The following FAM110B variants were observed in gnomAD, a reference collection of about 807,000 sequenced individuals.
FAM110B encodes family with sequence similarity 110 member B, also known as protein FAM110B.
In FAM110B, 6 loss-of-function variants were observed where a neutral mutation model predicts 20.4. That is an observed-to-expected ratio of 0.29 (90% CI 0.16 to 0.58). FAM110B has a LOEUF of 0.58. Among genes scored for constraint, FAM110B ranks in the 20% least tolerant of loss-of-function variants. The probability of loss-of-function intolerance (pLI) is 0.90; values close to 1 mark genes in which losing one functional copy is unlikely to be tolerated. For missense variants in FAM110B, 434 were observed against 498.2 expected, an observed-to-expected ratio of 0.87 and a Z score of 1.23; for synonymous variants, 226 against 214.1, an observed-to-expected ratio of 1.06 and a Z score of -0.49.
chr8:58,027,882 T>A (rs1180121292), intron 1 of FAM110B, among the ~76,000 whole-genome samples: 1 of 152,216 alleles, frequency 6.6e-6, no homozygotes, highest in Non-Finnish European at 1.5e-5. Flanking sequence ...TTGGAGTTAT[T>A]ATGAATAAGG....
At position 58,146,134 on chromosome 8, in the gene FAM110B, C is replaced by T. The variant is rs1308414372; in HGVS notation, c.-97C>T. ...CTGACACTCGCTCCCAGGCTGCACC[C>T]GCCGCCCTTGGCGCTTCATGTACAT... On this transcript the variant is annotated 5_prime_UTR_variant, in exon 4 of 4. Coordinates refer to ENST00000519262, the MANE Select transcript of FAM110B (RefSeq NM_001377989.1). 4.8e-5 allele frequency: 68 copies of T among 1,429,740 alleles called. No homozygotes were observed. Among genetic ancestry groups the T allele is most frequent in the Non-Finnish European group, 6.1e-5 (65 of 1,071,220 alleles). 88.6% of individuals were successfully genotyped at this position (1,429,740 alleles called of 1,614,324 possible).
At chr8:58,079,125 A>G (rs983273898) in intron 3 of FAM110B, among the ~76,000 whole-genome samples, 1 of 152,154 alleles carries the variant, frequency 6.6e-6, no homozygotes, top group Non-Finnish European at 1.5e-5. Context: ...AGAATGACTC[A>G]GAGATCAGAT....
chr8:58,060,942 C>T (rs1287217736), intron 2 of FAM110B, among the ~76,000 whole-genome samples: 1 of 152,060 alleles, frequency 6.6e-6, no homozygotes, highest in East Asian at 1.9e-4. Context: ...GCTTTCTTTA[C>T]CCAGAGAAGC....
chr8:58,085,059 A>G (rs1256043508), intron 3 of FAM110B, among the ~76,000 whole-genome samples: 1 of 152,156 alleles, frequency 6.6e-6, no homozygotes, highest in East Asian at 1.9e-4. Context: ...GAACCTGGCA[A>G]TTGGCATCAA....
intron 3 of FAM110B, among the ~76,000 whole-genome samples, chr8:58,082,355 C>T (rs72660390): frequency 0.058 from 8,808 of 152,276 alleles, 384 homozygotes; most frequent in African/African-American, 0.13. Context: ...AGCAGCCCCA[C>T]TGACAGCAGA....
intron 2 of FAM110B, among the ~76,000 whole-genome samples, chr8:58,039,208 A>G (rs948842632): frequency 1.3e-5 from 2 of 152,152 alleles, no homozygotes; most frequent in Non-Finnish European, 2.9e-5. Context: ...GCCCAGAGTC[A>G]TTGTCATTCT....
chr8:58,106,163 T>C (rs1445863141), intron 3 of FAM110B: 1 of 152,216 alleles, frequency 6.6e-6, no homozygotes, highest in Non-Finnish European at 1.5e-5. Context: ...GTTCAAATCT[T>C]AGTTACCATA....
chr8:58,034,027 C>T (rs1409840341), intron 2 of FAM110B, among the ~76,000 whole-genome samples: 4 of 152,120 alleles, frequency 2.6e-5, no homozygotes, highest in East Asian at 3.9e-4. Flanking sequence ...ACAATTTTGC[C>T]GTAAATTCCA....
intron 2 of FAM110B, chr8:58,070,178 G>A (rs1805860294): frequency 6.6e-6 from 1 of 152,288 alleles, no homozygotes; most frequent in African/African-American, 2.4e-5. Context: ...GCTCGCCCGT[G>A]TGATAGGTTT....
intron 3 of FAM110B, among the ~76,000 whole-genome samples, chr8:58,108,186 T>A (rs980592026): frequency 6.6e-5 from 10 of 152,138 alleles, no homozygotes; most frequent in Non-Finnish European, 1.3e-4. Flanking sequence ...GAGCCTGGGG[T>A]GAAGATTACT....
intron 3 of FAM110B, among the ~76,000 whole-genome samples, chr8:58,115,497 G>A (rs770881793): frequency 5.3e-5 from 8 of 152,046 alleles, no homozygotes; most frequent in Non-Finnish European, 7.4e-5. Context: ...GGGTTCAGTC[G>A]ATTCTCGTGC....
At chr8:58,094,953 C>T (rs958165146) in intron 3 of FAM110B, among the ~76,000 whole-genome samples, 2 of 152,028 alleles carry the variant, frequency 1.3e-5, no homozygotes, top group East Asian at 1.9e-4. Flanking sequence ...TTCAGGGATT[C>T]GATTTCTTCA....
At chr8:58,061,899 A>G (rs1805664812) in intron 2 of FAM110B, among the ~76,000 whole-genome samples, 1 of 152,234 alleles carries the variant, frequency 6.6e-6, no homozygotes, top group Non-Finnish European at 1.5e-5. Flanking sequence ...TCCATAAAGC[A>G]TACATTGTTA....
At chr8:57,995,310 T>G (rs936854077) in intron 1 of FAM110B, among the ~76,000 whole-genome samples, 31 of 152,134 alleles carry the variant, frequency 2.0e-4, no homozygotes, top group Middle Eastern at 3.2e-3. Context: ...TATGAGAGTA[T>G]CAATACCACC....
intron 1 of FAM110B, among the ~76,000 whole-genome samples, chr8:58,001,836 G>A (rs1160547796): frequency 2.0e-5 from 3 of 152,102 alleles, no homozygotes; most frequent in Admixed American, 6.5e-5. Flanking sequence ...GAGAACCAGA[G>A]AACCAGAACC....
chr8:58,088,719 G>A (rs1463941313), intron 3 of FAM110B, among the ~76,000 whole-genome samples: 1 of 152,096 alleles, frequency 6.6e-6, no homozygotes, highest in Non-Finnish European at 1.5e-5. Context: ...GTGAAAAGAG[G>A]GTGGAGGAGT....
At chr8:58,077,966 G>A (rs182377325) in intron 3 of FAM110B, among the ~76,000 whole-genome samples, 1 of 152,136 alleles carries the variant, frequency 6.6e-6, no homozygotes, top group East Asian at 1.9e-4. Context: ...TAAATAGATT[G>A]AAACATTTTT....
chr8:58,112,639 G>T (rs1460603380), intron 3 of FAM110B, among the ~76,000 whole-genome samples: 1 of 152,228 alleles, frequency 6.6e-6, no homozygotes. Context: ...ACCCCACTTT[G>T]TTGGAATATA....
intron 1 of FAM110B, among the ~76,000 whole-genome samples, chr8:58,008,103 T>C (rs969359277): frequency 1.3e-5 from 2 of 150,972 alleles, no homozygotes; most frequent in Non-Finnish European, 2.9e-5. Flanking sequence ...GAAATGACAG[T>C]GTAGGAGTCG....
Sources: allele counts gnomAD v4.1 joint callset (sites outside exome capture counted in the v4.1 genomes callset), GRCh38; gene constraint gnomAD v4.1.1; transcripts MANE v1.5; gene names NCBI Gene and HGNC (gene_info 2026-07-23, HGNC 2026-07-21).